Variants in HP1BP3 observed in about 807,000 individuals in gnomAD.
HP1BP3 encodes heterochromatin protein 1 binding protein 3.
A neutral mutation model predicts 62.5 loss-of-function variants in HP1BP3; 12 were observed. The observed-to-expected ratio is 0.19, with a 90% CI of 0.12 to 0.31. The LOEUF (loss-of-function observed/expected upper bound fraction) is 0.31. HP1BP3 is among the 10% of genes least tolerant of loss of function. HP1BP3 has a pLI of 1.00. For synonymous variants in HP1BP3, 260 were observed against 237.8 expected (o/e 1.09, Z -0.86); for missense variants, 502 against 651.8 (o/e 0.77, Z 2.50).
At chr1:20,781,578 A>C (rs539868094) in intron 1 of HP1BP3, among the ~76,000 whole-genome samples, 1 of 152,360 alleles carries the variant, frequency 6.6e-6, no homozygotes, top group African/African-American at 2.4e-5. Context: ...AATTCAGTGC[A>C]GTGTAACACA....
intron 4 of HP1BP3, chr1:20,774,369 C>T (rs547575690): frequency 9.2e-5 from 14 of 151,522 alleles, no homozygotes; most frequent in Admixed American, 4.6e-4. Flanking sequence ...CACAAACACA[C>T]CCACACCCAC....
rs1357885258 is a variant in HP1BP3 at position 20,751,970 on chromosome 1, C to CT, written c.982-2089dup. Among the ~76,000 whole-genome samples, 3 of 151,988 alleles carry CT rather than the reference C, an allele frequency of 2.0e-5. No homozygotes were observed. The East Asian group carries it at 5.8e-4, about 30-fold the overall frequency. ...GGTCAAAACTATTTGCATAATAAAACTAAGATATGCCAGACGCAGTGGCTC... is the reference window on the plus strand; with the variant it reads ...GGTCAAAACTATTTGCATAATAAAACTTAAGATATGCCAGACGCAGTGGCTC... On this transcript the variant is annotated intron_variant, in intron 9 of 12. Coordinates refer to ENST00000438032, the MANE Select transcript of HP1BP3 (RefSeq NM_001372052.1).
intron 3 of HP1BP3, among the ~76,000 whole-genome samples, chr1:20,778,982 G>GT (rs1228894134): frequency 6.6e-6 from 1 of 152,054 alleles, no homozygotes; most frequent in Non-Finnish European, 1.5e-5. Flanking sequence ...TAGAGATGGG[G>GT]TTTCACCATG....
At chr1:20,776,453 C>A in intron 4 of HP1BP3, 144 bp downstream of exon 4, 1 of 711,070 alleles carries the variant, frequency 1.4e-6, no homozygotes. Flanking sequence ...TATAATAAAC[C>A]TATTTCAAAT....
At position 20,782,924 on chromosome 1, in the gene HP1BP3, A is replaced by G. The variant is rs1248483119; in HGVS notation, c.-100-2384T>C. On this transcript the variant is annotated intron_variant, in intron 1 of 12. Transcript: ENST00000438032. ...CAAAAAAAAGAAAAAAAAAAAAAAA[A>G]AAAGAAAGAAAAAACCCACACACAC... Among the ~76,000 whole-genome samples, 73 of 150,454 alleles carry G rather than the reference A, an allele frequency of 4.9e-4. No homozygotes were observed. The Middle Eastern group carries it at 0.021, about 42-fold the overall frequency.
intron 6 of HP1BP3, 115 bp from the exon 7 acceptor site, chr1:20,767,779 A>T: frequency 8.2e-6 from 2 of 244,836 alleles, no homozygotes; most frequent in Non-Finnish European, 7.7e-6. Flanking sequence ...TTCTTCAGAG[A>T]AAAAAAAAAA....
At chr1:20,747,751 C>T (rs1216829380) in intron 10 of HP1BP3, 96 bp from the exon 11 acceptor site, 4 of 701,484 alleles carry the variant, frequency 5.7e-6, no homozygotes, top group Non-Finnish European at 1.0e-5. Context: ...AATATCCTGT[C>T]ACATACGGTA....
intron 9 of HP1BP3, among the ~76,000 whole-genome samples, chr1:20,754,551 A>G (rs2055982579): frequency 1.3e-5 from 2 of 152,074 alleles, no homozygotes; most frequent in Non-Finnish European, 2.9e-5. Context: ...TGAAAAAGTT[A>G]GAGGGCTTAT....
At chr1:20,766,384 A>G (rs902595498) in intron 7 of HP1BP3, among the ~76,000 whole-genome samples, 1 of 152,202 alleles carries the variant, frequency 6.6e-6, no homozygotes, top group South Asian at 2.1e-4. Flanking sequence ...AAAAAAATGC[A>G]TAAAGTTCAT....
chr1:20,747,280 A>G (rs1328168609), intron 11 of HP1BP3, among the ~76,000 whole-genome samples: 1 of 152,056 alleles, frequency 6.6e-6, no homozygotes, highest in Non-Finnish European at 1.5e-5. Flanking sequence ...TTTTTTTTCA[A>G]CCAGACACAG....
intron 6 of HP1BP3, among the ~76,000 whole-genome samples, chr1:20,768,631 A>G (rs1414941481): frequency 1.3e-5 from 2 of 152,168 alleles, no homozygotes; most frequent in Middle Eastern, 3.4e-3. Context: ...CTTGAGGTCA[A>G]GAGTTTGAAA....
chr1:20,756,031 T>G (rs1218600435), intron 9 of HP1BP3, among the ~76,000 whole-genome samples: 1 of 152,182 alleles, frequency 6.6e-6, no homozygotes, highest in Non-Finnish European at 1.5e-5. Context: ...CAAGGGATCT[T>G]TTTTGGGTGA....
At position 20,744,617 on chromosome 1, in the gene HP1BP3, C is replaced by T; in HGVS notation, c.*180G>A. ...AAATGAACAAGGAAAAGGGCAGGCA[C>T]CAATAAAAGCACCTAAAGCTAGCAA... On this transcript the variant is annotated 3_prime_UTR_variant, in exon 13 of 13. Transcript: ENST00000438032. 1 of 599,238 alleles carries T rather than the reference C, an allele frequency of 1.7e-6. No homozygotes were observed. The highest frequency in any genetic ancestry group is 2.9e-6 in the Non-Finnish European group (1 of 345,930). 37.1% of individuals were successfully genotyped at this position (599,238 alleles called of 1,614,324 possible).
At chr1:20,782,998 G>C (rs1471697640) in intron 1 of HP1BP3, among the ~76,000 whole-genome samples, 1 of 146,654 alleles carries the variant, frequency 6.8e-6, no homozygotes, top group South Asian at 2.2e-4. Flanking sequence ...CGTAGTCCCA[G>C]CTACTTGGAA....
Position 20,742,280 on chromosome 1 carries a change from A to G in HP1BP3, c.*2517T>C, listed in dbSNP as rs919808250. On this transcript the variant is annotated 3_prime_UTR_variant, in exon 13 of 13. Coordinates refer to ENST00000438032, the MANE Select transcript of HP1BP3 (RefSeq NM_001372052.1). Reference sequence around the variant, plus strand: ...TATTAAGAATCATTACTTGCTAGAGAGCACAGGAGTAATTACTACAATTAC... The same window carrying G: ...TATTAAGAATCATTACTTGCTAGAGGGCACAGGAGTAATTACTACAATTAC... 6.6e-6 allele frequency among the ~76,000 whole-genome samples: 1 copy of G among 152,230 alleles called. No homozygotes were observed. Among genetic ancestry groups the G allele is most frequent in the Non-Finnish European group, 1.5e-5 (1 of 68,044 alleles).
Position 20,745,083 on chromosome 1 carries a change from T to C in HP1BP3, c.1376A>G (p.Lys459Arg). The C allele has an allele frequency of 6.2e-7, 1 of 1,605,502 alleles. No individual in the cohort carries two copies. The highest frequency in any genetic ancestry group is 8.5e-7 in the Non-Finnish European group (1 of 1,177,238). The change falls in exon 13 of 13, where the codon AAG becomes AGG. Residue 459 changes from lysine (K) to arginine (R), a missense_variant. Lys to Arg is a conservative substitution (Grantham distance 26). Coordinates refer to ENST00000438032, the MANE Select transcript of HP1BP3 (RefSeq NM_001372052.1). ...CCCTGGGGACTTGGCTGGGGTTTTC[T>C]TCTGCAACCTGTGAGAACCAAAGAG... ...EEPPPKRRLQ[K>R]KTPAKSPGKA... is the part of the protein sequence containing the mutation.
chr1:20,747,859 C>T (rs1348891155), intron 10 of HP1BP3, among the ~76,000 whole-genome samples: 1 of 152,164 alleles, frequency 6.6e-6, no homozygotes, highest in Non-Finnish European at 1.5e-5. Context: ...TATATACATA[C>T]ATACATACAT....
At position 20,742,498 on chromosome 1, in the gene HP1BP3, T is replaced by C. The variant is rs993420991; in HGVS notation, c.*2299A>G. ...CATTAAGTAATTAGCATTCAATGTA[T>C]CTGGAAACATCGTTTACCCTCTATA... On this transcript the variant is annotated 3_prime_UTR_variant, in exon 13 of 13. Transcript: ENST00000438032. 2.6e-5 allele frequency among the ~76,000 whole-genome samples: 4 copies of C among 152,320 alleles called. No individual in the cohort carries two copies. Among genetic ancestry groups the C allele is most frequent in the South Asian group, 2.1e-4 (1 of 4,830 alleles).
chr1:20,747,456 A>G (rs1441615702), intron 11 of HP1BP3, 88 bp downstream of exon 11: 39 of 857,394 alleles, frequency 4.5e-5, no homozygotes, highest in Non-Finnish European at 6.8e-5. Context: ...CCAGTTCACT[A>G]AAACAGTAAT....
Sources: allele counts gnomAD v4.1 joint callset (sites outside exome capture counted in the v4.1 genomes callset), GRCh38; gene constraint gnomAD v4.1.1; transcripts MANE v1.5; gene names NCBI Gene and HGNC (gene_info 2026-07-23, HGNC 2026-07-21).